The following SPAG11B variants were observed in gnomAD, a reference collection of about 807,000 sequenced individuals.
SPAG11B encodes the protein sperm-associated antigen 11B.
SPAG11B carries 5 observed loss-of-function variants against 8.9 expected under a neutral mutation model. The ratio of observed to expected loss-of-function variants is 0.56; its 90% CI spans 0.29 to 1.19. SPAG11B has a LOEUF of 1.19. SPAG11B is among the 50% of genes most tolerant of loss of function. The pLI is 0.08. For synonymous variants in SPAG11B, 12 were observed against 53.0 expected (o/e 0.23, Z 3.36); for missense variants, 38 against 146.4 (o/e 0.26, Z 3.82).
chr8:7,448,800 T>G (rs1456090895), downstream of SPAG11B, among the ~76,000 whole-genome samples: 13 of 132,610 alleles, frequency 9.8e-5, no homozygotes, highest in African/African-American at 3.6e-4. Context: ...TTCCCTTCCC[T>G]TCCCTTCCAT....
chr8:7,453,944 A>T (rs1378781116), intron 2 of SPAG11B, among the ~76,000 whole-genome samples: 1 of 148,604 alleles, frequency 6.7e-6, no homozygotes, highest in African/African-American at 2.6e-5. Context: ...GTTACCTTAA[A>T]TGTTAGCTAT....
chr8:7,449,437 C>G (rs1421779432), downstream of SPAG11B, among the ~76,000 whole-genome samples: 1 of 146,394 alleles, frequency 6.8e-6, no homozygotes, highest in African/African-American at 2.7e-5. Flanking sequence ...ACGTTTGCTG[C>G]GTTTCACTCT....
chr8:7,448,786 C>CCCCTTCCCTTCCCTT (rs773065371), downstream of SPAG11B, among the ~76,000 whole-genome samples: 1,018 of 126,828 alleles, frequency 8.0e-3, 12 homozygotes, highest in East Asian at 0.045. Context: ...CCCCTCTCCT[C>CCCCTTCCCTTCCCTT]CCCTTCCCTT....
At chr8:7,447,973 C>T (rs1167123028), downstream of SPAG11B, 2 of 1,099,172 alleles carry the variant, frequency 1.8e-6, no homozygotes, top group Admixed American at 2.6e-5. Flanking sequence ...GAGGTCACAA[C>T]TCCAGAAGAC....
At chr8:7,453,811 C>G (rs1255864945) in intron 2 of SPAG11B, among the ~76,000 whole-genome samples, 1 of 148,706 alleles carries the variant, frequency 6.7e-6, no homozygotes, top group Non-Finnish European at 1.5e-5. Context: ...CTGGCAGGGA[C>G]TCTCTGACTC....
intron 2 of SPAG11B, among the ~76,000 whole-genome samples, chr8:7,457,106 T>C (rs1264896379): frequency 1.4e-5 from 2 of 146,690 alleles, no homozygotes. Context: ...ATAAAATTTT[T>C]ATTTATTTTT....
At chr8:7,459,169 A>G (rs1810624581) in intron 2 of SPAG11B, among the ~76,000 whole-genome samples, 1 of 54,474 alleles carries the variant, frequency 1.8e-5, no homozygotes, top group Non-Finnish European at 3.0e-5. Context: ...GGTGAGCCAA[A>G]ATCGCACCAT....
At chr8:7,449,472 G>GCCCTTCAGGAAGTCATT (rs1391286039), downstream of SPAG11B, among the ~76,000 whole-genome samples, 1 of 149,430 alleles carries the variant, frequency 6.7e-6, no homozygotes, top group African/African-American at 2.5e-5. Flanking sequence ...AGGGGCCAAT[G>GCCCTTCAGGAAGTCATT]CCCTTCAGGA....
intron 2 of SPAG11B, among the ~76,000 whole-genome samples, chr8:7,453,928 A>T (rs1384642296): frequency 6.7e-6 from 1 of 149,178 alleles, no homozygotes; most frequent in Non-Finnish European, 1.5e-5. Context: ...AGAGAGAAAA[A>T]AAAAAGTTAC....
chr8:7,453,714 G>A (rs1585507424), intron 2 of SPAG11B, among the ~76,000 whole-genome samples: 1 of 149,178 alleles, frequency 6.7e-6, no homozygotes, highest in African/African-American at 2.5e-5. Context: ...CTGCATGGGT[G>A]AACAGTGTGA....
chr8:7,458,937 G>T (rs1286043981), intron 2 of SPAG11B, among the ~76,000 whole-genome samples: 7 of 91,930 alleles, frequency 7.6e-5, no homozygotes, highest in Non-Finnish European at 1.2e-4. Flanking sequence ...GGTGGCTCAC[G>T]CCTGTAATTC....
chr8:7,448,786 CCCCTTCCCTT>C (rs773065371), downstream of SPAG11B, among the ~76,000 whole-genome samples: 10 of 127,098 alleles, frequency 7.9e-5, 1 homozygote, highest in African/African-American at 3.1e-4. Context: ...CCCCTCTCCT[CCCCTTCCCTT>C]CCCTTCCCTT....
intron 2 of SPAG11B, among the ~76,000 whole-genome samples, chr8:7,451,437 T>C (rs767134958): frequency 0.012 from 1,465 of 121,642 alleles, no homozygotes; most frequent in Non-Finnish European, 0.02. Context: ...CAAGAGATGG[T>C]TGAAAGAAAG....
chr8:7,450,232 A>T (rs1167455354), downstream of SPAG11B, among the ~76,000 whole-genome samples: 1 of 138,322 alleles, frequency 7.2e-6, no homozygotes, highest in Admixed American at 7.5e-5. Context: ...ATAGCGTAAG[A>T]GTAAATGCTT....
At chr8:7,451,094 G>A (rs1810116315) in intron 2 of SPAG11B, 194 bp from the exon 3 acceptor site, 1 of 1,529,162 alleles carries the variant, frequency 6.5e-7, no homozygotes, top group Non-Finnish European at 8.9e-7. Flanking sequence ...TTGCCAGGAG[G>A]ATGATAGGGT....
At chr8:7,449,502 G>A (rs1365078153), downstream of SPAG11B, among the ~76,000 whole-genome samples, 9 of 150,364 alleles carry the variant, frequency 6.0e-5, no homozygotes, top group East Asian at 1.8e-3. Flanking sequence ...CTTCAGGGAT[G>A]GAACAATGGC....
In SPAG11B at chr8:7,450,887, C is replaced by G; in HGVS notation, c.228G>C (p.Pro76=). The G allele has an allele frequency of 1.3e-6, 2 of 1,554,112 alleles. No individual in the cohort carries two copies. The highest frequency in any genetic ancestry group is 1.8e-6 in the Non-Finnish European group (2 of 1,140,990). The change falls in exon 3 of 3, where the codon CCG becomes CCC. Residue 76 remains proline, a synonymous_variant. Coordinates refer to ENST00000398462, the MANE Select transcript of SPAG11B (RefSeq NM_058201.4). ...RTPPYQGDVP[P]GIRNTICHMQ... Reference sequence around the variant, plus strand: ...TATGGCAGATGGTATTTCTAATTCCCGGTGGAACATCCCCTATGGATACAA... The same window carrying G: ...TATGGCAGATGGTATTTCTAATTCCGGGTGGAACATCCCCTATGGATACAA...
chr8:7,453,883 A>G (rs1307013225), intron 2 of SPAG11B, among the ~76,000 whole-genome samples: 1 of 149,342 alleles, frequency 6.7e-6, no homozygotes, highest in Non-Finnish European at 1.5e-5. Flanking sequence ...AAAATTGGGC[A>G]CTCCAAGCTG....
At chr8:7,453,978 TATGA>T (rs1810351047) in intron 2 of SPAG11B, among the ~76,000 whole-genome samples, 1 of 145,206 alleles carries the variant, frequency 6.9e-6, no homozygotes, top group African/African-American at 2.7e-5. Flanking sequence ...GTAAAATAGT[TATGA>T]ATATTTGTGA....
Sources: allele counts gnomAD v4.1 joint callset (sites outside exome capture counted in the v4.1 genomes callset), GRCh38; gene constraint gnomAD v4.1.1; transcripts MANE v1.5; gene names NCBI Gene and HGNC (gene_info 2026-07-23, HGNC 2026-07-21).